The following SLC8A1 variants were observed in gnomAD, a reference collection of about 807,000 sequenced individuals.
SLC8A1 encodes the protein sodium/calcium exchanger 1.
A neutral mutation model predicts 68.3 loss-of-function variants in SLC8A1; 18 were observed. The ratio of observed to expected loss-of-function variants is 0.26; its 90% confidence interval spans 0.18 to 0.39. The LOEUF is 0.39. Ranked by LOEUF, SLC8A1 falls within the 10% of genes least tolerant of loss-of-function variation. SLC8A1 has a pLI of 1.00. For synonymous variants in SLC8A1, 475 were observed against 415.5 expected, an observed-to-expected ratio of 1.14 and a Z score of -1.74; for missense variants, 985 against 1,156.7, an observed-to-expected ratio of 0.85 and a Z score of 2.15.
upstream of SLC8A1, among the ~76,000 whole-genome samples, chr2:40,453,590 C>T (rs1241222242): frequency 1.3e-5 from 2 of 152,150 alleles, no homozygotes; most frequent in African/African-American, 4.8e-5. Context: ...AGTGCTTAGG[C>T]CACACCCCCA....
At chr2:40,491,516 A>T (rs1705314059) in intron 1 of SLC8A1, among the ~76,000 whole-genome samples, 1 of 152,102 alleles carries the variant, frequency 6.6e-6, no homozygotes. Flanking sequence ...AACTTCCAAC[A>T]CTATGTTGAA....
exon 8 of SLC8A1, chr2:40,104,004 C>G (rs1426377618): frequency 6.6e-6 from 1 of 152,106 alleles, no homozygotes; most frequent in East Asian, 1.9e-4. Flanking sequence ...TAAAGTCTTC[C>G]CATTTAATGA....
intron 2 of SLC8A1, among the ~76,000 whole-genome samples, chr2:40,372,889 C>T (rs73926635): frequency 6.6e-6 from 1 of 152,036 alleles, no homozygotes; most frequent in African/African-American, 2.4e-5. Context: ...TTGCCTCACT[C>T]TACTAGTGAA....
intron 7 of SLC8A1, among the ~76,000 whole-genome samples, chr2:40,122,590 T>G (rs2037155393): frequency 6.6e-6 from 1 of 152,174 alleles, no homozygotes; most frequent in Admixed American, 6.5e-5. Flanking sequence ...ATGAACTTGC[T>G]AGCCCCACCT....
At chr2:40,132,321 C>T (rs1182971688) in intron 7 of SLC8A1, among the ~76,000 whole-genome samples, 1 of 152,004 alleles carries the variant, frequency 6.6e-6, no homozygotes, top group Non-Finnish European at 1.5e-5. Flanking sequence ...CATTTATTCT[C>T]TATGAGTTTT....
chr2:40,384,372 G>A (rs1234852118), intron 2 of SLC8A1, among the ~76,000 whole-genome samples: 1 of 152,066 alleles, frequency 6.6e-6, no homozygotes, highest in Non-Finnish European at 1.5e-5. Flanking sequence ...GTCTTTTGTA[G>A]ATTGTTGAAA....
chr2:40,394,823 TG>T (rs1686422344), intron 2 of SLC8A1, among the ~76,000 whole-genome samples: 1 of 152,058 alleles, frequency 6.6e-6, no homozygotes, highest in African/African-American at 2.4e-5. Context: ...TTGGGGAAGT[TG>T]AAGGCCACAG....
intron 2 of SLC8A1, among the ~76,000 whole-genome samples, chr2:40,205,564 G>A (rs993189552): frequency 1.3e-5 from 2 of 151,950 alleles, no homozygotes; most frequent in Non-Finnish European, 2.9e-5. Context: ...ACCAAACACC[G>A]CAGGTTCTCA....
At chr2:40,512,029 C>T (rs1285872324) in intron 1 of SLC8A1, among the ~76,000 whole-genome samples, 1 of 152,142 alleles carries the variant, frequency 6.6e-6, no homozygotes, top group Non-Finnish European at 1.5e-5. Context: ...GAAGCTGTGG[C>T]TCATTTCTAA....
At chr2:40,280,595 C>A (rs2067367544) in intron 2 of SLC8A1, among the ~76,000 whole-genome samples, 1 of 152,186 alleles carries the variant, frequency 6.6e-6, no homozygotes, top group African/African-American at 2.4e-5. Flanking sequence ...GAGTGACATT[C>A]AGGCACTGGG....
intron 2 of SLC8A1, among the ~76,000 whole-genome samples, chr2:40,352,164 G>A (rs752611520): frequency 2.2e-4 from 33 of 152,024 alleles, no homozygotes; most frequent in African/African-American, 6.8e-4. Context: ...ATTCATAGGC[G>A]TTCATAGAGA....
chr2:40,348,123 G>C (rs1347392225), intron 2 of SLC8A1, among the ~76,000 whole-genome samples: 1 of 152,158 alleles, frequency 6.6e-6, no homozygotes, highest in Non-Finnish European at 1.5e-5. Context: ...ATGTTTTCAA[G>C]GGCTGGAAGA....
At chr2:40,435,851 C>G (rs1250086422) in intron 1 of SLC8A1, among the ~76,000 whole-genome samples, 1 of 152,092 alleles carries the variant, frequency 6.6e-6, no homozygotes, top group Non-Finnish European at 1.5e-5. Flanking sequence ...ACTCGGCTCA[C>G]TGCAGCCTGT....
chr2:40,396,749 A>T (rs1484330017), intron 2 of SLC8A1, among the ~76,000 whole-genome samples: 1 of 29,606 alleles, frequency 3.4e-5, no homozygotes, highest in African/African-American at 9.1e-5. Flanking sequence ...TCTAATAACT[A>T]AAAAAAAAAA....
chr2:40,378,055 A>G (rs1315528834), intron 2 of SLC8A1, among the ~76,000 whole-genome samples: 2 of 152,144 alleles, frequency 1.3e-5, no homozygotes, highest in Non-Finnish European at 2.9e-5. Flanking sequence ...AACCTGCTGT[A>G]TGCAATGCGT....
chr2:40,482,895 A>G (rs1576645935), intron 1 of SLC8A1, among the ~76,000 whole-genome samples: 1 of 141,926 alleles, frequency 7.0e-6, no homozygotes, highest in East Asian at 2.1e-4. Flanking sequence ...GGTTCACGCC[A>G]TTCTCCCGCC....
At chr2:40,305,882 A>G (rs531773660) in intron 2 of SLC8A1, among the ~76,000 whole-genome samples, 16 of 152,312 alleles carry the variant, frequency 1.1e-4, no homozygotes, top group Admixed American at 6.5e-4. Context: ...TGCTTTTTTG[A>G]CATTATATGC....
At chr2:40,204,946 T>C (rs2055106588) in intron 2 of SLC8A1, among the ~76,000 whole-genome samples, 1 of 152,012 alleles carries the variant, frequency 6.6e-6, no homozygotes, top group Admixed American at 6.6e-5. Context: ...GATTGAGTGG[T>C]GAGATGTGCC....
chr2:40,384,187 T>A (rs906526119), intron 2 of SLC8A1, among the ~76,000 whole-genome samples: 1 of 151,748 alleles, frequency 6.6e-6, no homozygotes, highest in Non-Finnish European at 1.5e-5. Flanking sequence ...ATCCCAGGAG[T>A]TGGAGACTGC....
Sources: gnomAD v4.1 joint callset for allele counts (sites outside exome capture counted in the v4.1 genomes callset) on GRCh38, gnomAD v4.1.1 for gene constraint, MANE v1.5 for transcripts, NCBI Gene and HGNC (gene_info 2026-07-23, HGNC 2026-07-21) for gene names.